Variants in NRIP1 observed in about 807,000 individuals in gnomAD.
NRIP1 encodes the protein nuclear receptor interacting protein 1, also known as nuclear receptor-interacting protein 1.
In NRIP1, 28 loss-of-function variants were observed where a neutral mutation model predicts 75.0. The ratio of observed to expected loss-of-function variants is 0.37; its 90% CI spans 0.28 to 0.51. The LOEUF (loss-of-function observed/expected upper bound fraction) is 0.51, where lower values mean the gene tolerates loss of function less well. NRIP1 is among the 20% of genes least tolerant of loss of function. The pLI is 0.92. For missense variants in NRIP1, 1,435 were observed against 1,343.7 expected, an observed-to-expected ratio of 1.07 and a Z score of -1.06; for synonymous variants, 526 against 487.6, an observed-to-expected ratio of 1.08 and a Z score of -1.04.
chr21:14,995,323 C>A (rs937686715), intron 3 of NRIP1, among the ~76,000 whole-genome samples: 1 of 152,156 alleles, frequency 6.6e-6, no homozygotes, highest in African/African-American at 2.4e-5. Context: ...AGTCCTACTG[C>A]AGAGAATAGT....
chr21:15,040,786 T>C (rs2088935419), intron 2 of NRIP1, among the ~76,000 whole-genome samples: 1 of 152,104 alleles, frequency 6.6e-6, no homozygotes, highest in South Asian at 2.1e-4. Context: ...ATAGGTAACT[T>C]ATTTTTTAAT....
rs58275735 is a variant in NRIP1 at position 14,962,015 on chromosome 21, TTATATATATATATA to T, written c.*2687_*2700del. 2.1e-5 allele frequency: 3 copies of T among 140,512 alleles called. No homozygotes were observed. The highest frequency in any genetic ancestry group is 5.1e-5 in the African/African-American group (2 of 38,858). The allele number at this position is 140,512 out of a possible 1,614,324, so 8.7% of individuals were successfully genotyped here. A position where few individuals can be genotyped will look rare whatever the true frequency, so the allele number is the denominator to read the frequency against. Reference sequence around the variant, plus strand: ...AAGTCAATATATATATATATACATATTATATATATATATATATATATATATATAAAATATATACT... The same window carrying T: ...AAGTCAATATATATATATATACATATTATATATATATATAAAATATATACT... On this transcript the variant is annotated 3_prime_UTR_variant, in exon 4 of 4. Coordinates refer to ENST00000318948, the MANE Select transcript of NRIP1 (RefSeq NM_003489.4).
At chr21:15,063,639 C>G (rs956812111) in intron 1 of NRIP1, among the ~76,000 whole-genome samples, 1 of 152,198 alleles carries the variant, frequency 6.6e-6, no homozygotes, top group Non-Finnish European at 1.5e-5. Flanking sequence ...GCTTCTCTTC[C>G]TCTAAGGACA....
At position 15,060,019 on chromosome 21, in the gene NRIP1, G is replaced by C. The variant is rs561079414; in HGVS notation, c.-538+4726C>G. Among the ~76,000 whole-genome samples, 67 of 152,114 alleles carry C rather than the reference G, an allele frequency of 4.4e-4. 1 individual carries two copies. The highest frequency in any genetic ancestry group is 3.9e-4 in the East Asian group (2 of 5,180). On this transcript the variant is annotated intron_variant, in intron 1 of 3. Transcript: ENST00000318948. ...ATATTTTATGTTTCGGGTGCATTTTGATAAGCTAAAATACCACAACTTTTG... is the reference window on the plus strand; with the variant it reads ...ATATTTTATGTTTCGGGTGCATTTTCATAAGCTAAAATACCACAACTTTTG...
chr21:14,981,572 G>C (rs1178243296), intron 3 of NRIP1, among the ~76,000 whole-genome samples: 1 of 152,182 alleles, frequency 6.6e-6, no homozygotes, highest in African/African-American at 2.4e-5. Context: ...GCAGATTAGC[G>C]GTCTAGGGAA....
rs556116868 is a variant in NRIP1 at position 15,019,558 on chromosome 21, G to C, written c.-457-5092C>G. 1.7e-4 allele frequency among the ~76,000 whole-genome samples: 21 copies of C among 121,272 alleles called. 1 individual carries two copies. Among genetic ancestry groups the C allele is most frequent in the African/African-American group, 5.3e-4 (17 of 32,002 alleles). The allele number at this position is 121,272 out of a possible 152,430, so 79.6% of individuals were successfully genotyped here. ...AGCTGGAGTGCAATGATGCAGTCTT[G>C]GCTCACTGCAACCTCTGCCTCCCAG... On this transcript the variant is annotated intron_variant, in intron 2 of 3. Coordinates refer to ENST00000318948, the MANE Select transcript of NRIP1 (RefSeq NM_003489.4).
intron 3 of NRIP1, among the ~76,000 whole-genome samples, chr21:14,972,001 G>A (rs907964386): frequency 1.3e-5 from 2 of 152,134 alleles, no homozygotes; most frequent in African/African-American, 4.8e-5. Context: ...TTTTCTTATG[G>A]AGACCTGTTT....
At chr21:15,024,401 G>A (rs1422766134) in intron 2 of NRIP1, among the ~76,000 whole-genome samples, 2 of 152,130 alleles carry the variant, frequency 1.3e-5, no homozygotes, top group African/African-American at 2.4e-5. Flanking sequence ...AATTAGCTGG[G>A]TGTGGTGGCA....
chr21:15,029,032 C>T (rs1483502481), intron 2 of NRIP1, among the ~76,000 whole-genome samples: 1 of 151,968 alleles, frequency 6.6e-6, no homozygotes, highest in Non-Finnish European at 1.5e-5. Context: ...AATCTTTTAG[C>T]AAATTCTGCA....
At chr21:14,978,385 A>T (rs2087136748) in intron 3 of NRIP1, among the ~76,000 whole-genome samples, 1 of 152,162 alleles carries the variant, frequency 6.6e-6, no homozygotes, top group Non-Finnish European at 1.5e-5. Context: ...GGGGGAAGGA[A>T]ATGGTTTTGA....
intron 1 of NRIP1, among the ~76,000 whole-genome samples, chr21:15,057,050 T>C (rs2089322501): frequency 6.6e-6 from 1 of 152,208 alleles, no homozygotes; most frequent in African/African-American, 2.4e-5. Flanking sequence ...CTCATCTCTC[T>C]GCTTCCACTT....
chr21:14,989,007 G>A (rs2087491408), intron 3 of NRIP1, among the ~76,000 whole-genome samples: 1 of 152,084 alleles, frequency 6.6e-6, no homozygotes, highest in Non-Finnish European at 1.5e-5. Context: ...CTTCAGGAGG[G>A]GCAAAGTACT....
chr21:15,006,027 T>TA (rs111991256), intron 3 of NRIP1, among the ~76,000 whole-genome samples: 54 of 151,704 alleles, frequency 3.6e-4, no homozygotes, highest in South Asian at 6.2e-4. Flanking sequence ...TTTTCATTTT[T>TA]AAAAAAAAAT....
At position 14,965,865 on chromosome 21, in the gene NRIP1, A is replaced by G. The variant is rs752148962; in HGVS notation, c.2328T>C (p.Ala776=). 3.7e-6 allele frequency: 6 copies of G among 1,613,998 alleles called. No homozygotes were observed. Among genetic ancestry groups the G allele is most frequent in the Non-Finnish European group, 5.1e-6 (6 of 1,179,988 alleles). ...CCATACCCAAGAATGGGGCACTCTT[A>G]GCATCATGGCTCAAGTGCACATTTG... The part of the protein sequence containing the change: ...PNTNVHLSHD[A]KSAPFLGMAP... The change falls in exon 4 of 4, where the codon GCT becomes GCC. Residue 776 remains alanine, a synonymous_variant. Coordinates refer to ENST00000318948, the MANE Select transcript of NRIP1 (RefSeq NM_003489.4).
chr21:14,993,818 A>G (rs554262014), intron 3 of NRIP1, among the ~76,000 whole-genome samples: 4 of 152,152 alleles, frequency 2.6e-5, no homozygotes, highest in Admixed American at 2.0e-4. Flanking sequence ...ACAACGTCCA[A>G]TCCAACACAG....
intron 2 of NRIP1, among the ~76,000 whole-genome samples, chr21:15,037,123 C>A (rs2088853251): frequency 6.6e-6 from 1 of 152,048 alleles, no homozygotes; most frequent in Non-Finnish European, 1.5e-5. Context: ...ATTAAAAGAG[C>A]ATTCTACATA....
At chr21:14,995,488 A>C (rs1048974939) in intron 3 of NRIP1, among the ~76,000 whole-genome samples, 4 of 152,254 alleles carry the variant, frequency 2.6e-5, no homozygotes, top group African/African-American at 9.6e-5. Flanking sequence ...TATGAAATGT[A>C]GGTTTGTCAA....
intron 2 of NRIP1, among the ~76,000 whole-genome samples, chr21:15,038,592 C>T (rs780284583): frequency 2.6e-5 from 4 of 151,712 alleles, no homozygotes; most frequent in Non-Finnish European, 5.9e-5. Flanking sequence ...AATAATAAAC[C>T]CTATTTTTTG....
At chr21:14,981,796 T>C (rs2087242921) in intron 3 of NRIP1, among the ~76,000 whole-genome samples, 1 of 152,102 alleles carries the variant, frequency 6.6e-6, no homozygotes, top group Non-Finnish European at 1.5e-5. Context: ...TAGAATGATG[T>C]GTGGAATAGT....
Sources: allele counts gnomAD v4.1 joint callset (sites outside exome capture counted in the v4.1 genomes callset), GRCh38; gene constraint gnomAD v4.1.1; transcripts MANE v1.5; gene names NCBI Gene and HGNC (gene_info 2026-07-23, HGNC 2026-07-21).